The following NLRP12 variants were observed in gnomAD, a reference collection of about 807,000 sequenced individuals.
NLRP12 encodes the protein NLR family pyrin domain containing 12.
In NLRP12, 108 loss-of-function variants were observed where a neutral mutation model predicts 91.2. That is an observed-to-expected ratio of 1.18 (90% CI 1.01 to 1.39). The LOEUF is 1.39. NLRP12 is among the 40% of genes most tolerant of loss of function. The probability of loss-of-function intolerance (pLI) is 0.00; values close to 1 mark genes in which losing one functional copy is unlikely to be tolerated. For synonymous variants in NLRP12, 613 were observed against 566.7 expected (o/e 1.08, Z -1.16); for missense variants, 1,530 against 1,352.7 (o/e 1.13, Z -2.06).
chr19:53,811,497 G>C (rs1039912461), intron 2 of NLRP12, among the ~76,000 whole-genome samples: 3 of 151,726 alleles, frequency 2.0e-5, no homozygotes, highest in African/African-American at 7.3e-5. Context: ...CTGGGCAACA[G>C]AGCCAGACTC....
At position 53,806,679 on chromosome 19, in the gene NLRP12, C is replaced by CA. The variant is rs58275455; in HGVS notation, c.2243+815dup. On this transcript the variant is annotated intron_variant, in intron 4 of 9. Transcript: ENST00000324134. Reference sequence around the variant, plus strand: ...CTGGTGACAAAGCAAGACTCCGTCTCAAAAAAAAAAAAAAAAAAAAAAAAA... The same window carrying CA: ...CTGGTGACAAAGCAAGACTCCGTCTCAAAAAAAAAAAAAAAAAAAAAAAAAA... 8.6e-3 allele frequency among the ~76,000 whole-genome samples: 372 copies of CA among 43,380 alleles called. 5 individuals carry two copies. The highest frequency in any genetic ancestry group is 0.021 in the Middle Eastern group (1 of 48). 28.5% of individuals were successfully genotyped at this position (43,380 alleles called of 152,430 possible).
chr19:53,824,314 A>T lies in NLRP12; in HGVS notation c.-140T>A, dbSNP rs4419163. The stretch of plus-strand genomic sequence containing the variant: ...GAGGCTGAGCCAGTGGTTGGAGGAG[A>T]GAGCAAGGGAGGAAAGACCTTTTGC... On this transcript the variant is annotated 5_prime_UTR_variant, in exon 1 of 10. Transcript: ENST00000324134. 637,373 of 813,216 alleles carry T rather than the reference A, an allele frequency of 0.78. 249,959 individuals carry two copies. The highest frequency in any genetic ancestry group is 0.79 in the African/African-American group (47,317 of 59,674). 50.4% of individuals were successfully genotyped at this position (813,216 alleles called of 1,614,324 possible).
chr19:53,818,926 A>C (rs2092204728), intron 1 of NLRP12, among the ~76,000 whole-genome samples: 1 of 152,112 alleles, frequency 6.6e-6, no homozygotes. Context: ...CCCTTGTTTT[A>C]CAGATGGAGA....
chr19:53,799,096 T>G (rs867638483), intron 7 of NLRP12, among the ~76,000 whole-genome samples: 3 of 143,576 alleles, frequency 2.1e-5, no homozygotes, highest in African/African-American at 7.8e-5. Context: ...CACTGCAACC[T>G]CCGCCTCCTG....
intron 2 of NLRP12, among the ~76,000 whole-genome samples, chr19:53,811,853 C>G (rs1257556935): frequency 6.6e-6 from 1 of 152,112 alleles, no homozygotes; most frequent in Non-Finnish European, 1.5e-5. Flanking sequence ...GCATGAGCCA[C>G]TGTGTCCAGC....
At chr19:53,823,515 A>T (rs1189019703) in intron 1 of NLRP12, among the ~76,000 whole-genome samples, 1 of 52,190 alleles carries the variant, frequency 1.9e-5, no homozygotes, top group African/African-American at 7.4e-5. Context: ...ATATATATTT[A>T]AAACATATAT....
In NLRP12 at chr19:53,811,214, C is replaced by A. The variant is rs1157468713; in HGVS notation, c.445G>T (p.Glu149Ter). ...TACCGGTGGCTGAGGTTGACACATT[C>A]CCCTAGGCGCGCATTGCGGTCTTCC... is the stretch of plus-strand genomic sequence containing the variant. Reference protein sequence around the residue: ...LMEDRNARLGECVNLSHRYTR... With the variant: ...LMEDRNARLG Residue 149 changes from glutamate to a stop codon, truncating the protein, a stop_gained, in exon 3 of 10, where the codon GAA (glutamate) becomes TAA (stop). Transcript: ENST00000324134. LOFTEE classifies it high-confidence loss of function. 1 of 1,614,098 alleles carries A rather than the reference C, an allele frequency of 6.2e-7. No homozygotes were observed. The highest frequency in any genetic ancestry group is 8.5e-7 in the Non-Finnish European group (1 of 1,180,034).
At chr19:53,816,370 C>T (rs62143194) in intron 1 of NLRP12, among the ~76,000 whole-genome samples, 1 of 148,146 alleles carries the variant, frequency 6.8e-6, no homozygotes, top group Non-Finnish European at 1.5e-5. Flanking sequence ...TGTTACTACA[C>T]AGCCCGCCCC....
At chr19:53,809,544 C>CAA in intron 3 of NLRP12, 43 bp downstream of exon 3, 2 of 817,666 alleles carry the variant, frequency 2.4e-6, no homozygotes, top group Non-Finnish European at 3.5e-6. Context: ...AAAAAAAACA[C>CAA]ACGAACCTAA....
At position 53,814,977 on chromosome 19, in the gene NLRP12, C is replaced by T. The variant is rs2092134890; in HGVS notation, c.301G>A (p.Gly101Ser). Residue 101 changes from glycine to serine, a missense_variant, in exon 2 of 10, where the codon GGT (glycine) becomes AGT (serine). Gly to Ser is a moderately conservative substitution (Grantham distance 56). Transcript: ENST00000324134. ...REDLVRDTPP[G>S]GPSSLGNQST... ...TGGTTCCCAAGTGAGGACGGGCCAC[C>T]AGGTGGGGTATCTGGAAGAGAAATT... 1 of 1,613,762 alleles carries T rather than the reference C, an allele frequency of 6.2e-7. No individual in the cohort carries two copies.
intron 9 of NLRP12, 79 bp from the exon 10 acceptor site, chr19:53,794,215 C>T: frequency 7.3e-6 from 7 of 960,668 alleles, no homozygotes; most frequent in South Asian, 2.6e-5. Context: ...CTATTGTGCA[C>T]TACCGTGGTA....
chr19:53,807,810 G>A lies in NLRP12; in HGVS notation c.2073-145C>T, dbSNP rs1456958485. On this transcript the variant is annotated intron_variant, in intron 3 of 9. Transcript: ENST00000324134. ...TTGTTGCCCAGGCTGGAGTGCAATG[G>A]CGCAATCTCAGCTCACCACAACCTC... 5 of 886,360 alleles carry A rather than the reference G, an allele frequency of 5.6e-6. No homozygotes were observed. In the African/African-American group the frequency reaches 8.3e-5, roughly 15 times the overall value. The allele number at this position is 886,360 out of a possible 1,614,324, so 54.9% of individuals were successfully genotyped here. A position where few individuals can be genotyped will look rare whatever the true frequency, so the allele number is the denominator to read the frequency against.
chr19:53,804,083 C>A lies in NLRP12; in HGVS notation c.2454G>T (p.Glu818Asp), dbSNP rs201336142. ...KCQLESGACQ[E>D]MASVLGTNPH... ...GGTTGGTGCCGAGCACAGAAGCCAT[C>A]TCCTGACAAGCCCCGGACTCCAGCT... is the stretch of plus-strand genomic sequence containing the variant. Residue 818 changes from glutamate to aspartate, a missense_variant, in exon 6 of 10, where the codon GAG becomes GAT. Physicochemically the swap from Glu to Asp is conservative, Grantham distance 45. Coordinates refer to ENST00000324134, the MANE Select transcript of NLRP12 (RefSeq NM_144687.4). 3.1e-6 allele frequency: 5 copies of A among 1,614,066 alleles called. No homozygotes were observed. Among genetic ancestry groups the A allele is most frequent in the Admixed American group, 3.3e-5 (2 of 59,986 alleles).
rs757080480 is a variant in NLRP12 at position 53,798,373 on chromosome 19, G to A, written c.2797C>T (p.Leu933Phe). 2 of 1,614,106 alleles carry A rather than the reference G, an allele frequency of 1.2e-6. No individual in the cohort carries two copies. Among genetic ancestry groups the A allele is most frequent in the South Asian group, 2.2e-5 (2 of 91,090 alleles). The change falls in exon 8 of 10, where the codon CTT (leucine) becomes TTT (phenylalanine). Residue 933 changes from leucine to phenylalanine, a missense_variant. Transcript: ENST00000324134. ...CRLGSAACEG[L>F]SVVLQANHNL... is the part of the protein sequence containing the mutation. Reference sequence around the variant, plus strand: ...TGGTTGGCCTGGAGCACCACAGAAAGACCCTCACAGGCGGCAGAGCCCAGC... The same window carrying A: ...TGGTTGGCCTGGAGCACCACAGAAAAACCCTCACAGGCGGCAGAGCCCAGC...
At position 53,798,357 on chromosome 19, in the gene NLRP12, T is replaced by C. The variant is rs746777193; in HGVS notation, c.2813A>G (p.Gln938Arg). The change falls in exon 8 of 10, where the codon CAG (glutamine) becomes CGG (arginine). Residue 938 changes from glutamine to arginine, a missense_variant. By Grantham distance (43) the Gln-to-Arg change is conservative. Coordinates refer to ENST00000324134, the MANE Select transcript of NLRP12 (RefSeq NM_144687.4). ...AACEGLSVVL[Q>R]ANHNLRELDL... ...CAGCTCCCGGAGGTTGTGGTTGGCC[T>C]GGAGCACCACAGAAAGACCCTCACA... is the stretch of plus-strand genomic sequence containing the variant. The C allele has an allele frequency of 6.2e-7, 1 of 1,614,062 alleles. No individual in the cohort carries two copies. The highest frequency in any genetic ancestry group is 1.3e-5 in the African/African-American group (1 of 75,036).
In NLRP12 at chr19:53,810,524, G is replaced by GTA; in HGVS notation, c.1134_1135insTA (p.His379TyrfsTer14). The GTA allele has an allele frequency of 6.2e-7, 1 of 1,614,112 alleles. No homozygotes were observed. The highest frequency in any genetic ancestry group is 1.1e-5 in the South Asian group (1 of 91,088). ...ACTTGGCCCGCCTGCTCTGCATTGT[G>GTA]GAAATACTTGTAGAAGTATTCCTTC... On this transcript the variant is annotated frameshift_variant, in exon 3 of 10. Transcript: ENST00000324134. LOFTEE classifies it high-confidence loss of function.
Position 53,810,962 on chromosome 19 carries a change from C to A in NLRP12, c.697G>T (p.Asp233Tyr). The change falls in exon 3 of 10, where the codon GAC (aspartate) becomes TAC (tyrosine). Residue 233 changes from aspartate (D) to tyrosine (Y), a missense_variant. Physicochemically the swap from Asp to Tyr is radical, Grantham distance 160 (BLOSUM62 -3). Coordinates refer to ENST00000324134, the MANE Select transcript of NLRP12 (RefSeq NM_144687.4). The part of the protein sequence containing the change: ...KSMLAHKVML[D>Y]WADGKLFQGR... Reference sequence around the variant, plus strand: ...TGGAAGAGCTTCCCGTCCGCCCAGTCCAGCATCACCTTGTGTGCCAGCATG... The same window carrying A: ...TGGAAGAGCTTCCCGTCCGCCCAGTACAGCATCACCTTGTGTGCCAGCATG... 1 of 1,614,136 alleles carries A rather than the reference C, an allele frequency of 6.2e-7. No individual in the cohort carries two copies. The highest frequency in any genetic ancestry group is 2.2e-5 in the East Asian group (1 of 44,884).
chr19:53,810,746 C>T lies in NLRP12; in HGVS notation c.913G>A (p.Asp305Asn), dbSNP rs758827302. Residue 305 changes from aspartate (D) to asparagine (N), a missense_variant, in exon 3 of 10, where the codon GAT becomes AAT. Asp to Asn is a conservative substitution (Grantham distance 23). Coordinates refer to ENST00000324134, the MANE Select transcript of NLRP12 (RefSeq NM_144687.4). Reference protein sequence around the residue: ...GFDELKPSFHDPQGPWCLCWE... With the variant: ...GFDELKPSFHNPQGPWCLCWE... ...CAGAGGCACCAGGGTCCCTGAGGATCGTGGAAAGAAGGCTTGAGCTCATCG... is the reference window on the plus strand; with the variant it reads ...CAGAGGCACCAGGGTCCCTGAGGATTGTGGAAAGAAGGCTTGAGCTCATCG... 1.9e-6 allele frequency: 3 copies of T among 1,613,972 alleles called. No homozygotes were observed. The highest frequency in any genetic ancestry group is 2.2e-5 in the South Asian group (2 of 91,076).
At chr19:53,802,482 C>T (rs1267447216) in intron 6 of NLRP12, among the ~76,000 whole-genome samples, 4 of 151,664 alleles carry the variant, frequency 2.6e-5, no homozygotes, top group Admixed American at 6.6e-5. Context: ...CTGAGGCGGG[C>T]GGGTCACGAG....
Sources: gnomAD v4.1 joint callset for allele counts (sites outside exome capture counted in the v4.1 genomes callset) on GRCh38, gnomAD v4.1.1 for gene constraint, MANE v1.5 for transcripts, NCBI Gene and HGNC (gene_info 2026-07-23, HGNC 2026-07-21) for gene names.